The following ZFP37 variants were observed in gnomAD, a reference collection of about 807,000 sequenced individuals.
The protein encoded by ZFP37 is ZFP37 zinc finger protein.
A neutral mutation model predicts 52.1 loss-of-function variants in ZFP37; 38 were observed. The ratio of observed to expected loss-of-function variants is 0.73; its 90% CI spans 0.56 to 0.96. The LOEUF is 0.96. ZFP37 is among the 40% of genes least tolerant of loss of function. The pLI, the probability that ZFP37 is intolerant of heterozygous loss-of-function variation, is 0.00. For synonymous variants in ZFP37, 253 were observed against 259.5 expected (o/e 0.98, Z 0.24); for missense variants, 695 against 741.4 (o/e 0.94, Z 0.73).
chr9:113,048,076 A>G (rs1190732691), intron 3 of ZFP37, among the ~76,000 whole-genome samples: 2 of 152,266 alleles, frequency 1.3e-5, no homozygotes, highest in Non-Finnish European at 2.9e-5. Context: ...TTAGAAGATA[A>G]GATCTGATTC....
intron 1 of ZFP37, among the ~76,000 whole-genome samples, chr9:113,051,340 C>T (rs1389029664): frequency 6.6e-6 from 1 of 152,072 alleles, no homozygotes; most frequent in Non-Finnish European, 1.5e-5. Flanking sequence ...GGGAGGACGG[C>T]ACAGCTATTG....
In ZFP37 at chr9:113,039,838, T is replaced by A. The variant is rs1208084871; in HGVS notation, c.*2887A>T. On this transcript the variant is annotated 3_prime_UTR_variant, in exon 4 of 4. Coordinates refer to ENST00000374227, the MANE Select transcript of ZFP37 (RefSeq NM_003408.3). ...ATCTGAAAAACAGTTTAAAAATAATTTTTTAAACTTACTTACACCATGATT... is the reference window on the plus strand; with the variant it reads ...ATCTGAAAAACAGTTTAAAAATAATATTTTAAACTTACTTACACCATGATT... 6.6e-6 allele frequency: 1 copy of A among 152,198 alleles called. No individual in the cohort carries two copies. Among genetic ancestry groups the A allele is most frequent in the Non-Finnish European group, 1.5e-5 (1 of 68,032 alleles). 9.4% of individuals were successfully genotyped at this position (152,198 alleles called of 1,614,324 possible). A position where few individuals can be genotyped will look rare whatever the true frequency, so the allele number is the denominator to read the frequency against.
At position 113,040,350 on chromosome 9, in the gene ZFP37, G is replaced by A. The variant is rs1158348064; in HGVS notation, c.*2375C>T. ...GCTTTCTACAGCTCTAGACAGTGAT[G>A]ACTCATTCTGTGCATAGTGCTATAT... On this transcript the variant is annotated 3_prime_UTR_variant, in exon 4 of 4. Coordinates refer to ENST00000374227, the MANE Select transcript of ZFP37 (RefSeq NM_003408.3). 3 of 152,222 alleles carry A rather than the reference G, an allele frequency of 2.0e-5. No individual in the cohort carries two copies. The highest frequency in any genetic ancestry group is 4.4e-5 in the Non-Finnish European group (3 of 68,046). The allele number at this position is 152,222 out of a possible 1,614,324, so 9.4% of individuals were successfully genotyped here.
chr9:113,042,652 A>G lies in ZFP37; in HGVS notation c.*73T>C. The stretch of plus-strand genomic sequence containing the variant: ...GACATCTTGCTAAAGGCTTTCTAAC[A>G]CTCTTTAAAATCAGCATATTTCCAA... On this transcript the variant is annotated 3_prime_UTR_variant, in exon 4 of 4. Coordinates refer to ENST00000374227, the MANE Select transcript of ZFP37 (RefSeq NM_003408.3). 1 of 1,335,514 alleles carries G rather than the reference A, an allele frequency of 7.5e-7. No homozygotes were observed. Among genetic ancestry groups the G allele is most frequent in the Non-Finnish European group, 1.0e-6 (1 of 992,070 alleles). 82.7% of individuals were successfully genotyped at this position (1,335,514 alleles called of 1,614,324 possible).
intron 1 of ZFP37, among the ~76,000 whole-genome samples, chr9:113,053,014 T>A (rs1447727658): frequency 6.6e-6 from 1 of 152,182 alleles, no homozygotes; most frequent in African/African-American, 2.4e-5. Context: ...GGAAGAGCCA[T>A]TCAACACCCT....
chr9:113,047,727 A>G (rs1040745107), intron 3 of ZFP37, among the ~76,000 whole-genome samples: 6 of 152,232 alleles, frequency 3.9e-5, no homozygotes, highest in Admixed American at 6.5e-5. Context: ...AACTGAAGAC[A>G]GGATAGTAAC....
chr9:113,047,243 T>G (rs1352854433), intron 3 of ZFP37, among the ~76,000 whole-genome samples: 1 of 152,206 alleles, frequency 6.6e-6, no homozygotes, highest in Non-Finnish European at 1.5e-5. Context: ...TAGCCAAAAC[T>G]GGAGCCATTA....
At chr9:113,055,896 C>T (rs1004003042) in intron 1 of ZFP37, among the ~76,000 whole-genome samples, 2 of 152,148 alleles carry the variant, frequency 1.3e-5, no homozygotes, top group African/African-American at 4.8e-5. Flanking sequence ...TAGACACCAC[C>T]TAATTATTGA....
Position 113,042,564 on chromosome 9 carries a change from G to T in ZFP37, c.*161C>A. On this transcript the variant is annotated 3_prime_UTR_variant, in exon 4 of 4. Coordinates refer to ENST00000374227, the MANE Select transcript of ZFP37 (RefSeq NM_003408.3). ...GGTTTTGTATCAAGTTTAAACCCTTGTTTCCATCCACTGATTCTATATGAA... is the reference window on the plus strand; with the variant it reads ...GGTTTTGTATCAAGTTTAAACCCTTTTTTCCATCCACTGATTCTATATGAA... 1 of 546,090 alleles carries T rather than the reference G, an allele frequency of 1.8e-6. No homozygotes were observed. The highest frequency in any genetic ancestry group is 3.1e-6 in the Non-Finnish European group (1 of 326,272). 33.8% of individuals were successfully genotyped at this position (546,090 alleles called of 1,614,324 possible).
chr9:113,053,745 A>G (rs1161753801), intron 1 of ZFP37, among the ~76,000 whole-genome samples: 1 of 152,124 alleles, frequency 6.6e-6, no homozygotes, highest in Non-Finnish European at 1.5e-5. Context: ...AAACTCATAT[A>G]CAATATACCT....
rs771265545 is a variant in ZFP37, at chr9:113,056,608, C to G, written c.81G>C (p.Glu27Asp). The G allele has an allele frequency of 6.2e-7, 1 of 1,614,034 alleles. No homozygotes were observed. Among genetic ancestry groups the G allele is most frequent in the African/African-American group, 1.3e-5 (1 of 75,080 alleles). Residue 27 changes from glutamate (E) to aspartate (D), a missense_variant, in exon 1 of 4, where the codon GAG (glutamate) becomes GAC (aspartate). Glu to Asp is a conservative substitution (Grantham distance 45). Around this residue, in one of 2 missense-constraint regions of ZFP37, gnomAD observed 369 missense variants for 340.9 expected, o/e 1.08. Transcript: ENST00000374227. ...DRRRSAETTK[E>D]AGRPLEMAVS... Reference sequence around the variant, plus strand: ...CAGCCATCTCCAGTGGTCGCCCGGCCTCTTTGGTCGTTTCCGCACTTCTCC... The same window carrying G: ...CAGCCATCTCCAGTGGTCGCCCGGCGTCTTTGGTCGTTTCCGCACTTCTCC...
chr9:113,046,364 T>C (rs1055582646), intron 3 of ZFP37, among the ~76,000 whole-genome samples: 1 of 151,804 alleles, frequency 6.6e-6, no homozygotes, highest in Non-Finnish European at 1.5e-5. Context: ...GCAGAGAGTA[T>C]AACAAACTTT....
At chr9:113,045,892 T>C (rs778898567) in intron 3 of ZFP37, among the ~76,000 whole-genome samples, 3 of 152,020 alleles carry the variant, frequency 2.0e-5, no homozygotes, top group Non-Finnish European at 4.4e-5. Context: ...AGAGTGAGAA[T>C]TAAACAGTCT....
chr9:113,043,597 T>G lies in ZFP37; in HGVS notation c.1021A>C (p.Arg341=). The G allele has an allele frequency of 1.2e-6, 2 of 1,614,096 alleles. No homozygotes were observed. The highest frequency in any genetic ancestry group is 1.7e-6 in the Non-Finnish European group (2 of 1,179,960). ...SQKSHLVVHQ[R]THTGEKPYEC... ...TATGGTTTTTCTCCGGTGTGAGTTC[T>G]CTGATGTACAACAAGGTGTGACTTT... The change falls in exon 4 of 4, where the codon AGA becomes CGA. Residue 341 remains arginine (R), a synonymous_variant. Transcript: ENST00000374227.
chr9:113,041,120 A>G lies in ZFP37; in HGVS notation c.*1605T>C, dbSNP rs942620398. ...ATAATTTTTTGTATTTTTAGTAGAGATGGGGTTTCATTGTGTTGGCTAGTC... is the reference window on the plus strand; with the variant it reads ...ATAATTTTTTGTATTTTTAGTAGAGGTGGGGTTTCATTGTGTTGGCTAGTC... On this transcript the variant is annotated 3_prime_UTR_variant, in exon 4 of 4. Transcript: ENST00000374227. The G allele has an allele frequency of 2.0e-5, 3 of 152,150 alleles. No homozygotes were observed. Among genetic ancestry groups the G allele is most frequent in the Admixed American group, 6.6e-5 (1 of 15,262 alleles). The allele number at this position is 152,150 out of a possible 1,614,324, so 9.4% of individuals were successfully genotyped here.
intron 1 of ZFP37, 34 bp from the exon 2 acceptor site, chr9:113,049,906 T>C: frequency 6.2e-7 from 1 of 1,613,760 alleles, no homozygotes; most frequent in Non-Finnish European, 8.5e-7. Context: ...CATGTTTGAA[T>C]GTTACTGATA....
rs1828861129 is a variant in ZFP37, at chr9:113,042,360, T to C, written c.*365A>G. ...ATAAACAGATATGCAAATTCAACTC[T>C]AATATATGGTGCTTAAGTACAAAAC... On this transcript the variant is annotated 3_prime_UTR_variant, in exon 4 of 4. Coordinates refer to ENST00000374227, the MANE Select transcript of ZFP37 (RefSeq NM_003408.3). 5.7e-6 allele frequency: 1 copy of C among 175,842 alleles called. No individual in the cohort carries two copies. The highest frequency in any genetic ancestry group is 1.2e-5 in the Non-Finnish European group (1 of 83,640). 10.9% of individuals were successfully genotyped at this position (175,842 alleles called of 1,614,324 possible).
intron 1 of ZFP37, among the ~76,000 whole-genome samples, chr9:113,053,205 A>C (rs991451703): frequency 1.8e-4 from 28 of 152,082 alleles, no homozygotes; most frequent in African/African-American, 6.8e-4. Context: ...CACTCCAATA[A>C]TTCTCCAAAC....
Position 113,043,032 on chromosome 9 carries a change from A to G in ZFP37, c.1586T>C (p.Ile529Thr), listed in dbSNP as rs772877699. The G allele has an allele frequency of 6.2e-7, 1 of 1,613,346 alleles. No homozygotes were observed. Among genetic ancestry groups the G allele is most frequent in the East Asian group, 2.2e-5 (1 of 44,844 alleles). Residue 529 changes from isoleucine (I) to threonine (T), a missense_variant, in exon 4 of 4, where the codon ATT becomes ACT. Coordinates refer to ENST00000374227, the MANE Select transcript of ZFP37 (RefSeq NM_003408.3). ...CNQCGKGFKQ[I>T]EGLTQHQRVH... is the part of the protein sequence containing the mutation. ...TCTCTGATGTTGAGTAAGGCCTTCA[A>G]TTTGTTTAAAGCCTTTCCCACATTG...
Sources: gnomAD v4.1 joint callset for allele counts (sites outside exome capture counted in the v4.1 genomes callset) on GRCh38, gnomAD v4.1.1 for gene constraint, gnomAD v4.1.1 regional missense constraint, MANE v1.5 for transcripts, NCBI Gene and HGNC (gene_info 2026-07-23, HGNC 2026-07-21) for gene names.